Variants in ZNF626 observed in about 807,000 individuals in gnomAD.
ZNF626 encodes zinc finger protein 626.
A neutral mutation model predicts 11.7 loss-of-function variants in ZNF626; 4 were observed. That is an observed-to-expected ratio of 0.34 (90% CI 0.17 to 0.78). The LOEUF (loss-of-function observed/expected upper bound fraction) is 0.78, where lower values mean the gene tolerates loss of function less well. Among genes scored for constraint, ZNF626 ranks in the 30% least tolerant of loss-of-function variants. ZNF626 has a pLI of 0.57. For missense variants in ZNF626, 588 were observed against 587.1 expected (o/e 1.00, Z -0.01); for synonymous variants, 179 against 198.6 (o/e 0.90, Z 0.83).
In ZNF626 at chr19:20,655,978, A is replaced by C. The variant is rs191719425; in HGVS notation, c.3+5466T>G. On this transcript the variant is annotated intron_variant, in intron 1 of 3. Coordinates refer to ENST00000601440, the MANE Select transcript of ZNF626 (RefSeq NM_001076675.3). ...AGGGAATAGCAAAATTTTTTTTTGG[A>C]ACTTTTTGAAGAGTTTGAACTCTTG... is the stretch of plus-strand genomic sequence containing the variant. Among the ~76,000 whole-genome samples the C allele has an allele frequency of 2.0e-3, 302 of 151,200 alleles. 1 individual carries two copies. The highest frequency in any genetic ancestry group is 7.0e-3 in the African/African-American group (290 of 41,280).
In ZNF626 at chr19:20,624,980, G is replaced by C; in HGVS notation, c.897C>G (p.Thr299=). 6.2e-7 allele frequency: 1 copy of C among 1,613,560 alleles called. No individual in the cohort carries two copies. Among genetic ancestry groups the C allele is most frequent in the Non-Finnish European group, 8.5e-7 (1 of 1,179,880 alleles). Residue 299 remains threonine, a synonymous_variant, in exon 4 of 4, where the codon ACC becomes ACG. Transcript: ENST00000601440. ...ECGKAFNRSS[T]LTTHKIIHTG... ...TATGAATTATCTTATGTGTAGTAAG[G>C]GTTGAGGACCGGTTGAAGGCTTTGC...
chr19:20,624,220 G>GT lies in ZNF626; in HGVS notation c.*69dup, dbSNP rs1310709897. ...TCCAGTATGAATTTTCTTATGTGTAGTAAGGTTAGAGAAATGCTTAAAAGC... is the reference window on the plus strand; with the variant it reads ...TCCAGTATGAATTTTCTTATGTGTAGTTAAGGTTAGAGAAATGCTTAAAAGC... On this transcript the variant is annotated 3_prime_UTR_variant, in exon 4 of 4. Transcript: ENST00000601440. The GT allele has an allele frequency of 6.2e-7, 1 of 1,610,260 alleles. No individual in the cohort carries two copies. Among genetic ancestry groups the GT allele is most frequent in the Admixed American group, 1.7e-5 (1 of 59,752 alleles).
At chr19:20,645,398 A>G (rs782270098) in intron 3 of ZNF626, 22 of 1,610,118 alleles carry the variant, frequency 1.4e-5, no homozygotes, top group Non-Finnish European at 1.8e-5. Context: ...GCAGTCTCTT[A>G]TATGTCATGA....
At chr19:20,655,976 G>T (rs142471635) in intron 1 of ZNF626, among the ~76,000 whole-genome samples, 5,049 of 150,208 alleles carry the variant, frequency 0.034, 110 homozygotes, top group Non-Finnish European at 0.054. Flanking sequence ...ATTTTTTTTT[G>T]GAACTTTTTG....
intron 3 of ZNF626, among the ~76,000 whole-genome samples, chr19:20,644,489 C>T (rs1222776157): frequency 6.6e-6 from 1 of 152,172 alleles, no homozygotes; most frequent in Non-Finnish European, 1.5e-5. Context: ...ACTACAAATT[C>T]AGAGGGCATC....
At chr19:20,646,147 A>G in intron 2 of ZNF626, 132 bp downstream of exon 2, 2 of 1,172,562 alleles carry the variant, frequency 1.7e-6, no homozygotes, top group East Asian at 2.9e-5. Flanking sequence ...CTAAACGAAC[A>G]AATTCTGAAG....
chr19:20,634,581 G>C (rs532320181), intron 3 of ZNF626, among the ~76,000 whole-genome samples: 2 of 151,194 alleles, frequency 1.3e-5, no homozygotes, highest in Admixed American at 1.3e-4. Context: ...GGCTGGGTGC[G>C]GTGGCTCAGG....
Position 20,621,788 on chromosome 19 carries a change from T to A in ZNF626, c.*2502A>T, listed in dbSNP as rs1210167372. 1.3e-5 allele frequency: 2 copies of A among 152,220 alleles called. No individual in the cohort carries two copies. The highest frequency in any genetic ancestry group is 2.9e-5 in the Non-Finnish European group (2 of 68,026). The allele number at this position is 152,220 out of a possible 1,614,324, so 9.4% of individuals were successfully genotyped here. Reference sequence around the variant, plus strand: ...TCCACTACATACCAAATAGTATACTTCTTCCATCTTTTGCTTACACCATTT... The same window carrying A: ...TCCACTACATACCAAATAGTATACTACTTCCATCTTTTGCTTACACCATTT... On this transcript the variant is annotated 3_prime_UTR_variant, in exon 4 of 4. Coordinates refer to ENST00000601440, the MANE Select transcript of ZNF626 (RefSeq NM_001076675.3).
At chr19:20,647,588 G>C (rs1053810154) in intron 1 of ZNF626, among the ~76,000 whole-genome samples, 2 of 146,316 alleles carry the variant, frequency 1.4e-5, no homozygotes, top group African/African-American at 5.0e-5. Flanking sequence ...CCAGGTTCAC[G>C]CCATTCTCCT....
chr19:20,640,968 C>T (rs1237992994), intron 3 of ZNF626, among the ~76,000 whole-genome samples: 1 of 151,936 alleles, frequency 6.6e-6, no homozygotes, highest in Non-Finnish European at 1.5e-5. Context: ...GTCCCTGTCT[C>T]TACTAAAAAT....
Position 20,623,843 on chromosome 19 carries a change from A to G in ZNF626, c.*447T>C, listed in dbSNP as rs915717012. ...GACAGAACTTGTTATATGCTTTGCC[A>G]CATTCTTCACACTTGTAGGGTTTCT... On this transcript the variant is annotated 3_prime_UTR_variant, in exon 4 of 4. Transcript: ENST00000601440. 1.0e-4 allele frequency: 26 copies of G among 249,580 alleles called. No homozygotes were observed. Among genetic ancestry groups the G allele is most frequent in the Middle Eastern group, 4.5e-4 (1 of 2,224 alleles). The allele number at this position is 249,580 out of a possible 1,614,324, so 15.5% of individuals were successfully genotyped here.
rs782677025 is a variant in ZNF626 at position 20,625,288 on chromosome 19, C to T, written c.589G>A (p.Gly197Arg). ...TCTTCACATTTGTAGGGTTTCCCTC[C>T]AGTATGAATTTTCTTATGTGTAGTA... is the stretch of plus-strand genomic sequence containing the variant. ...TLTTHKKIHT[G>R]GKPYKCEECG... Residue 197 changes from glycine to arginine, a missense_variant, in exon 4 of 4, where the codon GGA becomes AGA. Coordinates refer to ENST00000601440, the MANE Select transcript of ZNF626 (RefSeq NM_001076675.3). 1.6e-5 allele frequency: 26 copies of T among 1,613,828 alleles called. No homozygotes were observed. Among genetic ancestry groups the T allele is most frequent in the Non-Finnish European group, 2.2e-5 (26 of 1,180,012 alleles).
Position 20,623,981 on chromosome 19 carries a change from G to A in ZNF626, c.*309C>T, listed in dbSNP as rs1969787225. On this transcript the variant is annotated 3_prime_UTR_variant, in exon 4 of 4. Transcript: ENST00000601440. ...ATCAATTCTTAGTTAGAAATTGAGG[G>A]CTGGTTAAAAGATTTTCCCCATTCA... 4 of 519,784 alleles carry A rather than the reference G, an allele frequency of 7.7e-6. No homozygotes were observed. The highest frequency in any genetic ancestry group is 1.4e-5 in the Non-Finnish European group (4 of 284,008). 32.2% of individuals were successfully genotyped at this position (519,784 alleles called of 1,614,324 possible).
intron 3 of ZNF626, among the ~76,000 whole-genome samples, chr19:20,629,884 T>C (rs547860019): frequency 6.6e-6 from 1 of 152,342 alleles, no homozygotes; most frequent in African/African-American, 2.4e-5. Context: ...CTTCCAGTTT[T>C]TGCCCGTTCA....
chr19:20,659,980 T>C (rs1272649306), intron 1 of ZNF626, among the ~76,000 whole-genome samples: 1 of 151,810 alleles, frequency 6.6e-6, no homozygotes, highest in Non-Finnish European at 1.5e-5. Context: ...TTTAATAACC[T>C]CCTGTTGGCC....
intron 1 of ZNF626, 131 bp downstream of exon 1, chr19:20,661,313 G>T: frequency 1.6e-6 from 2 of 1,264,554 alleles, no homozygotes; most frequent in Non-Finnish European, 2.3e-6. Context: ...CTGAGGCCGA[G>T]CTGAGCAAGG....
chr19:20,646,296 C>G lies in ZNF626; in HGVS notation c.113G>C (p.Ser38Thr). 1 of 1,613,974 alleles carries G rather than the reference C, an allele frequency of 6.2e-7. No individual in the cohort carries two copies. Among genetic ancestry groups the G allele is most frequent in the Non-Finnish European group, 8.5e-7 (1 of 1,179,922 alleles). The change falls in exon 2 of 4, where the codon AGT (serine) becomes ACT (threonine). Residue 38 changes from serine to threonine, a missense_variant. This residue lies in a region of ZNF626 where 524 missense variants were observed against 470.1 expected (regional missense o/e 1.11). Coordinates refer to ENST00000601440, the MANE Select transcript of ZNF626 (RefSeq NM_001076675.3). ...ATCCTCACCAAGGAAGACCAGGTTA[C>G]TGTAGTTCTCTAACATCACATTCCT... The part of the protein sequence containing the change: ...LYRNVMLENY[S>T]NLVFLGITVS...
rs1265414503 is a variant in ZNF626 at position 20,620,552 on chromosome 19, A to G, written c.*3738T>C. On this transcript the variant is annotated 3_prime_UTR_variant, in exon 4 of 4. Transcript: ENST00000601440. ...TATTAATAATTTTTCAGGACTCAGA[A>G]ATGTAATTTTTTTTCCTTTGAGGAG... 1 of 152,074 alleles carries G rather than the reference A, an allele frequency of 6.6e-6. No homozygotes were observed. Among genetic ancestry groups the G allele is most frequent in the Admixed American group, 6.6e-5 (1 of 15,262 alleles). 9.4% of individuals were successfully genotyped at this position (152,074 alleles called of 1,614,324 possible). A position where few individuals can be genotyped will look rare whatever the true frequency, so the allele number is the denominator to read the frequency against.
intron 1 of ZNF626, among the ~76,000 whole-genome samples, chr19:20,649,097 A>C (rs1437931242): frequency 1.3e-5 from 2 of 152,146 alleles, no homozygotes; most frequent in African/African-American, 2.4e-5. Flanking sequence ...ACACATGTTT[A>C]CCTGAAGAAA....
Sources: gnomAD v4.1 joint callset for allele counts (sites outside exome capture counted in the v4.1 genomes callset) on GRCh38, gnomAD v4.1.1 for gene constraint, gnomAD v4.1.1 regional missense constraint, MANE v1.5 for transcripts, NCBI Gene and HGNC (gene_info 2026-07-23, HGNC 2026-07-21) for gene names.